The following MFSD8 variants were observed in gnomAD, a reference collection of about 807,000 sequenced individuals.
MFSD8 encodes major facilitator superfamily domain containing 8, also known as major facilitator superfamily domain-containing protein 8.
In MFSD8, 55 loss-of-function variants were observed where a neutral mutation model predicts 66.4. The ratio of observed to expected loss-of-function variants is 0.83; its 90% CI spans 0.67 to 1.04. MFSD8 has a LOEUF of 1.04. Ranked by LOEUF, MFSD8 falls within the 50% of genes least tolerant of loss-of-function variation. The pLI, the probability that MFSD8 is intolerant of heterozygous loss-of-function variation, is 0.00. For missense variants in MFSD8, 550 were observed against 627.6 expected (o/e 0.88, Z 1.32); for synonymous variants, 202 against 212.8 (o/e 0.95, Z 0.44).
chr4:127,934,910 C>G (rs1041821906), intron 7 of MFSD8, among the ~76,000 whole-genome samples: 1 of 107,088 alleles, frequency 9.3e-6, no homozygotes, highest in Non-Finnish European at 1.7e-5. Context: ...TTTATGCTAT[C>G]TTAAATTGTG....
intron 1 of MFSD8, among the ~76,000 whole-genome samples, 179 bp from the exon 2 acceptor site, chr4:127,957,771 T>C (rs1743137819): frequency 6.6e-6 from 1 of 152,240 alleles, no homozygotes; most frequent in Admixed American, 6.5e-5. Flanking sequence ...TTCCATGGAT[T>C]GTATATATGC....
intron 2 of MFSD8, among the ~76,000 whole-genome samples, chr4:127,950,750 C>A (rs550938760): frequency 1.3e-5 from 2 of 151,636 alleles, no homozygotes; most frequent in African/African-American, 4.8e-5. Flanking sequence ...TTCTATAAAG[C>A]CTGTTCTTCA....
At chr4:127,922,224 C>T (rs1736441218) in intron 9 of MFSD8, among the ~76,000 whole-genome samples, 1 of 152,170 alleles carries the variant, frequency 6.6e-6, no homozygotes, top group African/African-American at 2.4e-5. Flanking sequence ...ACTACTAGGT[C>T]ATGAGTCTTT....
chr4:127,921,588 C>T lies in MFSD8; in HGVS notation c.1286G>A (p.Gly429Asp), dbSNP rs118203976. ...FLTSAVLIGL[G>D]YPVCNLMSYT... ...GGACATAAGATTGCAGACTGGATAGCCTAATCCTATTAGCACAGCTGATGT... is the reference window on the plus strand; with the variant it reads ...GGACATAAGATTGCAGACTGGATAGTCTAATCCTATTAGCACAGCTGATGT... The change falls in exon 11 of 12, where the codon GGC (glycine) becomes GAC (aspartate). Residue 429 changes from glycine (G) to aspartate (D), a missense_variant. By Grantham distance (94) the Gly-to-Asp change is moderately conservative. Transcript: ENST00000641686. The T allele has an allele frequency of 6.2e-7, 1 of 1,614,146 alleles. No individual in the cohort carries two copies. Among genetic ancestry groups the T allele is most frequent in the Non-Finnish European group, 8.5e-7 (1 of 1,180,022 alleles).
In MFSD8 at chr4:127,933,110, G is replaced by T; in HGVS notation, c.755-17C>A. The T allele has an allele frequency of 6.3e-7, 1 of 1,578,872 alleles. No individual in the cohort carries two copies. The highest frequency in any genetic ancestry group is 8.7e-7 in the Non-Finnish European group (1 of 1,148,212). The stretch of plus-strand genomic sequence containing the variant: ...CTGTACTTGCTATAGGGAAATAGGA[G>T]AAAAATTACATTACCTATACATCTA... On this transcript the variant is annotated splice_polypyrimidine_tract_variant and intron_variant, in intron 7 of 11. Coordinates refer to ENST00000641686, the MANE Select transcript of MFSD8 (RefSeq NM_001371596.2).
At chr4:127,965,267 GC>G, upstream of MFSD8, 1 of 1,141,400 alleles carries the variant, frequency 8.8e-7, no homozygotes, top group South Asian at 1.3e-5. Context: ...TAGGCGGAAC[GC>G]CCCGAGGTCA....
chr4:127,938,187 A>G (rs143346170), intron 7 of MFSD8, among the ~76,000 whole-genome samples: 58 of 152,358 alleles, frequency 3.8e-4, no homozygotes, highest in African/African-American at 1.4e-3. Context: ...CATTGCAAAT[A>G]TCTCAAAGGC....
intron 5 of MFSD8, among the ~76,000 whole-genome samples, chr4:127,940,516 G>GTATATATATATATATA (rs67791219): frequency 2.9e-5 from 4 of 138,216 alleles, no homozygotes; most frequent in Admixed American, 7.4e-5. Flanking sequence ...TCTGTATATG[G>GTATATATATATATATA]TATATATATA....
At chr4:127,952,402 T>G (rs1742145287) in intron 2 of MFSD8, among the ~76,000 whole-genome samples, 2 of 151,772 alleles carry the variant, frequency 1.3e-5, no homozygotes. Context: ...AGACTCTGTC[T>G]CAAAAAAAAT....
chr4:127,963,187 A>C (rs1333352705), intron 1 of MFSD8, among the ~76,000 whole-genome samples: 1 of 152,194 alleles, frequency 6.6e-6, no homozygotes, highest in Non-Finnish European at 1.5e-5. Context: ...TTGGCATAGG[A>C]CAAAGGCGAG....
At chr4:127,936,256 G>T (rs963818414) in intron 7 of MFSD8, among the ~76,000 whole-genome samples, 28 of 151,996 alleles carry the variant, frequency 1.8e-4, no homozygotes, top group Admixed American at 6.5e-5. Context: ...TGGGATTACA[G>T]GCGCCTGCCA....
At chr4:127,953,402 C>A (rs937941628) in intron 2 of MFSD8, among the ~76,000 whole-genome samples, 1 of 150,614 alleles carries the variant, frequency 6.6e-6, no homozygotes, top group African/African-American at 2.4e-5. Context: ...GCAGGAGAAT[C>A]GTTTCAACAC....
chr4:127,922,014 GC>G, intron 9 of MFSD8, 51 bp from the exon 10 acceptor site: 1 of 1,440,516 alleles, frequency 6.9e-7, no homozygotes, highest in Non-Finnish European at 9.7e-7. Context: ...TTATAACATA[GC>G]TTCATTACTT....
At chr4:127,965,382 C>T (rs1030560592), upstream of MFSD8, 10 of 593,704 alleles carry the variant, frequency 1.7e-5, no homozygotes, top group Middle Eastern at 9.0e-4. Context: ...GGACTGAGAG[C>T]CCAGGAGAGC....
intron 9 of MFSD8, among the ~76,000 whole-genome samples, chr4:127,928,789 C>T (rs960295085): frequency 6.6e-6 from 1 of 152,092 alleles, no homozygotes; most frequent in East Asian, 1.9e-4. Flanking sequence ...CATCTGCACT[C>T]CCATGTTCAT....
intron 2 of MFSD8, 114 bp from the exon 3 acceptor site, chr4:127,949,961 C>T: frequency 3.7e-6 from 3 of 807,214 alleles, no homozygotes; most frequent in Non-Finnish European, 2.0e-6. Context: ...AAAATCTATG[C>T]ATACAAATGC....
intron 1 of MFSD8, chr4:127,964,808 G>A (rs1744728856): frequency 1.7e-6 from 1 of 588,314 alleles, no homozygotes; most frequent in Admixed American, 2.9e-5. Flanking sequence ...CTCAGCTTGG[G>A]TGCTGCAACA....
intron 11 of MFSD8, chr4:127,921,238 A>T: frequency 1.7e-6 from 1 of 600,014 alleles, no homozygotes; most frequent in East Asian, 2.8e-5. Context: ...AGAAAGTTTA[A>T]GTAACTTGTT....
At chr4:127,964,140 G>A (rs1744451784) in intron 1 of MFSD8, among the ~76,000 whole-genome samples, 2 of 152,232 alleles carry the variant, frequency 1.3e-5, no homozygotes. Context: ...CGTTCTCCAC[G>A]TCTCCACCAG....
Sources: allele counts gnomAD v4.1 joint callset (sites outside exome capture counted in the v4.1 genomes callset), GRCh38; gene constraint gnomAD v4.1.1; transcripts MANE v1.5; gene names NCBI Gene and HGNC (gene_info 2026-07-23, HGNC 2026-07-21).